ELOVL4: variants seen among roughly 807,000 people sequenced by gnomAD.
The protein encoded by ELOVL4 is very long chain fatty acid elongase 4.
In ELOVL4, 18 loss-of-function variants were observed where a neutral mutation model predicts 42.1. The ratio of observed to expected loss-of-function variants is 0.43; its 90% confidence interval spans 0.30 to 0.63. ELOVL4 has a LOEUF of 0.63. Among genes scored for constraint, ELOVL4 ranks in the 30% least tolerant of loss-of-function variants. ELOVL4 has a pLI of 0.15. For missense variants in ELOVL4, 299 were observed against 376.2 expected, an observed-to-expected ratio of 0.79 and a Z score of 1.70; for synonymous variants, 117 against 127.0, an observed-to-expected ratio of 0.92 and a Z score of 0.53.
chr6:79,937,232 C>T (rs1774558984), intron 1 of ELOVL4, among the ~76,000 whole-genome samples: 1 of 152,006 alleles, frequency 6.6e-6, no homozygotes, highest in Admixed American at 6.6e-5. Context: ...AACAGTTACC[C>T]AAGAGCCTGA....
At chr6:79,936,236 C>A (rs1774540238) in intron 1 of ELOVL4, among the ~76,000 whole-genome samples, 1 of 152,188 alleles carries the variant, frequency 6.6e-6, no homozygotes, top group Non-Finnish European at 1.5e-5. Flanking sequence ...ATTCAAGACA[C>A]CAAGAAGTCT....
intron 1 of ELOVL4, among the ~76,000 whole-genome samples, chr6:79,940,352 T>C (rs1414334120): frequency 1.3e-5 from 2 of 152,202 alleles, no homozygotes; most frequent in African/African-American, 4.8e-5. Flanking sequence ...AAGAAAAATA[T>C]ATGGCAAAAG....
chr6:79,927,925 A>G (rs1048250480), intron 1 of ELOVL4, among the ~76,000 whole-genome samples: 1 of 152,184 alleles, frequency 6.6e-6, no homozygotes, highest in Non-Finnish European at 1.5e-5. Flanking sequence ...GACTTAAAAG[A>G]TAGCACGGCT....
At position 79,916,742 on chromosome 6, in the gene ELOVL4, T is replaced by C; in HGVS notation, c.811A>G (p.Lys271Glu). Reference sequence around the variant, plus strand: ...CCAGCTTTTGGTTTCTTAGGCTCTTTGTATGTCCGAATGTAGAAGTTAAGA... The same window carrying C: ...CCAGCTTTTGGTTTCTTAGGCTCTTCGTATGTCCGAATGTAGAAGTTAAGA... Reference protein sequence around the residue: ...LFLNFYIRTYKEPKKPKAGKT... With the variant: ...LFLNFYIRTYEEPKKPKAGKT... Residue 271 changes from lysine (K) to glutamate (E), a missense_variant, in exon 6 of 6, where the codon AAA (lysine) becomes GAA (glutamate). Lys to Glu is a moderately conservative substitution (Grantham distance 56). Coordinates refer to ENST00000369816, the MANE Select transcript of ELOVL4 (RefSeq NM_022726.4). 1.2e-6 allele frequency: 2 copies of C among 1,614,206 alleles called. No individual in the cohort carries two copies. The highest frequency in any genetic ancestry group is 1.7e-6 in the Non-Finnish European group (2 of 1,180,044).
At chr6:79,921,459 C>CAAAAAAAAAAAAAAA (rs1168483827) in intron 4 of ELOVL4, among the ~76,000 whole-genome samples, 166 bp downstream of exon 4, 7 of 42,394 alleles carry the variant, frequency 1.7e-4, no homozygotes, top group Non-Finnish European at 1.7e-4. Context: ...GACTCCATCT[C>CAAAAAAAAAAAAAAA]AAAAAAAAAA....
At chr6:79,946,338 A>G (rs962274811) in intron 1 of ELOVL4, among the ~76,000 whole-genome samples, 1 of 152,250 alleles carries the variant, frequency 6.6e-6, no homozygotes, top group African/African-American at 2.4e-5. Context: ...GGACGCTAGG[A>G]AAGCTGCATA....
intron 4 of ELOVL4, among the ~76,000 whole-genome samples, chr6:79,920,555 G>A (rs1430569171): frequency 3.3e-5 from 5 of 152,284 alleles, no homozygotes; most frequent in African/African-American, 9.6e-5. Flanking sequence ...ACATAATGAT[G>A]TGTCTTGGGG....
chr6:79,940,575 T>C (rs1477729727), intron 1 of ELOVL4, among the ~76,000 whole-genome samples: 1 of 152,184 alleles, frequency 6.6e-6, no homozygotes, highest in East Asian at 1.9e-4. Flanking sequence ...TTTCACATTT[T>C]CTATTGGAAA....
Position 79,926,191 on chromosome 6 carries a change from T to C in ELOVL4, c.288+3A>G, listed in dbSNP as rs1438052518. 2.5e-6 allele frequency: 4 copies of C among 1,606,254 alleles called. No homozygotes were observed. The highest frequency in any genetic ancestry group is 2.7e-5 in the African/African-American group (2 of 74,730). ...AATTATTAAAGTGATCTTAAAAACA[T>C]ACCTCTCTGAAGATAAAGAGGTTAA... On this transcript the variant is annotated splice_donor_region_variant and intron_variant, in intron 2 of 5. Coordinates refer to ENST00000369816, the MANE Select transcript of ELOVL4 (RefSeq NM_022726.4).
chr6:79,945,574 TG>T (rs1774725071), intron 1 of ELOVL4, among the ~76,000 whole-genome samples: 1 of 152,182 alleles, frequency 6.6e-6, no homozygotes, highest in Non-Finnish European at 1.5e-5. Flanking sequence ...GGTGTGGCTC[TG>T]GCTATATGGA....
intron 1 of ELOVL4, among the ~76,000 whole-genome samples, chr6:79,935,209 G>C (rs867112856): frequency 3.4e-4 from 52 of 152,162 alleles, no homozygotes; most frequent in African/African-American, 9.1e-4. Context: ...TTATCAGTAT[G>C]TTTATTAAAG....
intron 1 of ELOVL4, among the ~76,000 whole-genome samples, chr6:79,935,015 T>G (rs1283961518): frequency 2.6e-5 from 4 of 152,142 alleles, no homozygotes; most frequent in African/African-American, 7.2e-5. Context: ...GGAGATAAAA[T>G]ACATAAAAAT....
intron 1 of ELOVL4, among the ~76,000 whole-genome samples, chr6:79,927,797 G>A (rs1774368998): frequency 1.3e-5 from 2 of 152,074 alleles, no homozygotes; most frequent in Admixed American, 1.3e-4. Flanking sequence ...TTAAAAGGAG[G>A]TCTACTATTC....
At position 79,944,618 on chromosome 6, in the gene ELOVL4, T is replaced by C. The variant is rs192150263; in HGVS notation, c.100+2562A>G. ...CTCTGAAAAGCCCAGTTTTCAGACATTGCTTTGGATATGTTTGGATATTTA... is the reference window on the plus strand; with the variant it reads ...CTCTGAAAAGCCCAGTTTTCAGACACTGCTTTGGATATGTTTGGATATTTA... On this transcript the variant is annotated intron_variant, in intron 1 of 5. Transcript: ENST00000369816. 3.9e-5 allele frequency among the ~76,000 whole-genome samples: 6 copies of C among 152,326 alleles called. No individual in the cohort carries two copies. The East Asian group carries it at 1.2e-3, about 29-fold the overall frequency.
intron 1 of ELOVL4, among the ~76,000 whole-genome samples, chr6:79,936,253 T>C (rs1341674480): frequency 6.6e-6 from 1 of 152,230 alleles, no homozygotes; most frequent in Admixed American, 6.5e-5. Flanking sequence ...GTCTGTACTA[T>C]ACTATTCCCT....
Position 79,934,963 on chromosome 6 carries a change from T to G in ELOVL4, c.101-8582A>C, listed in dbSNP as rs141123327. 1.5e-3 allele frequency among the ~76,000 whole-genome samples: 225 copies of G among 152,320 alleles called. 2 individuals carry two copies. Among genetic ancestry groups the G allele is most frequent in the African/African-American group, 5.1e-3 (210 of 41,580 alleles). Reference sequence around the variant, plus strand: ...GAGAATAAAAAAACATTTTATGACATAGACTGAGAAGACATTTTATAATTC... The same window carrying G: ...GAGAATAAAAAAACATTTTATGACAGAGACTGAGAAGACATTTTATAATTC... On this transcript the variant is annotated intron_variant, in intron 1 of 5. Transcript: ENST00000369816.
chr6:79,919,250 G>GTC (rs1239642837), intron 5 of ELOVL4, among the ~76,000 whole-genome samples, 170 bp downstream of exon 5: 1 of 152,152 alleles, frequency 6.6e-6, no homozygotes, highest in African/African-American at 2.4e-5. Flanking sequence ...GGACCAATAA[G>GTC]TCTATGAATA....
Position 79,947,387 on chromosome 6 carries a change from C to G in ELOVL4, c.-108G>C, listed in dbSNP as rs1157832209. On this transcript the variant is annotated 5_prime_UTR_variant, in exon 1 of 6. Coordinates refer to ENST00000369816, the MANE Select transcript of ELOVL4 (RefSeq NM_022726.4). ...GGGCGAGCGGCGGCCGGGAACCCCTCTAACGGCGGCGGCCCGGCTGCGTCT... is the reference window on the plus strand; with the variant it reads ...GGGCGAGCGGCGGCCGGGAACCCCTGTAACGGCGGCGGCCCGGCTGCGTCT... 1.2e-6 allele frequency: 1 copy of G among 840,210 alleles called. No individual in the cohort carries two copies. Among genetic ancestry groups the G allele is most frequent in the African/African-American group, 1.7e-5 (1 of 59,396 alleles). 52.0% of individuals were successfully genotyped at this position (840,210 alleles called of 1,614,324 possible). A position where few individuals can be genotyped will look rare whatever the true frequency, so the allele number is the denominator to read the frequency against.
In ELOVL4 at chr6:79,916,577, A is replaced by G. The variant is rs199567770; in HGVS notation, c.*31T>C. On this transcript the variant is annotated 3_prime_UTR_variant, in exon 6 of 6. Coordinates refer to ENST00000369816, the MANE Select transcript of ELOVL4 (RefSeq NM_022726.4). ...TTATATGATATGGGAGTTTTTCCTC[A>G]CTGTCAACAACAGTTAAGGCCCAGT... is the stretch of plus-strand genomic sequence containing the variant. The G allele has an allele frequency of 6.2e-7, 1 of 1,612,280 alleles. No individual in the cohort carries two copies. Among genetic ancestry groups the G allele is most frequent in the East Asian group, 2.2e-5 (1 of 44,870 alleles).
Sources: gnomAD v4.1 joint callset for allele counts (sites outside exome capture counted in the v4.1 genomes callset) on GRCh38, gnomAD v4.1.1 for gene constraint, MANE v1.5 for transcripts, NCBI Gene and HGNC (gene_info 2026-07-23, HGNC 2026-07-21) for gene names.